CCDC73: variants seen among roughly 807,000 people sequenced by gnomAD.
The protein encoded by CCDC73 is coiled-coil domain-containing protein 73.
A neutral mutation model predicts 116.5 loss-of-function variants in CCDC73; 95 were observed. That is an observed-to-expected ratio of 0.82 (90% CI 0.69 to 0.97). The LOEUF (loss-of-function observed/expected upper bound fraction) is 0.97, where lower values mean the gene tolerates loss of function less well. CCDC73 is among the 50% of genes least tolerant of loss of function. CCDC73 has a pLI of 0.00. For synonymous variants in CCDC73, 398 were observed against 401.3 expected, an observed-to-expected ratio of 0.99 and a Z score of 0.10; for missense variants, 1,066 against 1,206.8, an observed-to-expected ratio of 0.88 and a Z score of 1.73.
intron 17 of CCDC73, chr11:32,606,180 C>T (rs2133211666): frequency 6.6e-6 from 1 of 152,286 alleles, no homozygotes; most frequent in South Asian, 2.1e-4. Flanking sequence ...TGGATTGGTA[C>T]TTAATACCTT....
At chr11:32,813,401 G>A in the CCDC73 span, among the ~76,000 whole-genome samples, 1 of 151,960 alleles carries the variant, frequency 6.6e-6, no homozygotes, top group Non-Finnish European at 1.5e-5. Context: ...GGACAACAGG[G>A]GTGCATCACT....
At chr11:32,694,596 A>T (rs141860578) in intron 6 of CCDC73, among the ~76,000 whole-genome samples, 261 of 151,166 alleles carry the variant, frequency 1.7e-3, no homozygotes, top group Middle Eastern at 0.017. Context: ...AAGTATAATT[A>T]AAAAAACAAT....
Position 32,675,600 on chromosome 11 carries a change from T to A in CCDC73, c.610A>T (p.Lys204Ter). The change falls in exon 9 of 18, where the codon AAA becomes TAA. Residue 204 changes from lysine (K) to a stop codon, truncating the protein, a stop_gained. Coordinates refer to ENST00000335185, the MANE Select transcript of CCDC73 (RefSeq NM_001008391.4). LOFTEE classifies it high-confidence loss of function. ...CTGCATATTTCAGCTTCTTGTTTTTTATTTAAAGCTGAAAGTCTTTTGTTT... is the reference window on the plus strand; with the variant it reads ...CTGCATATTTCAGCTTCTTGTTTTTAATTTAAAGCTGAAAGTCTTTTGTTT... ...QSNKRLSALN[K>*]KQEAEICSLK... 5 of 1,590,612 alleles carry A rather than the reference T, an allele frequency of 3.1e-6. No individual in the cohort carries two copies. Among genetic ancestry groups the A allele is most frequent in the Non-Finnish European group, 4.3e-6 (5 of 1,172,546 alleles).
chr11:32,642,536 T>G (rs1855742635), intron 12 of CCDC73, among the ~76,000 whole-genome samples: 1 of 152,018 alleles, frequency 6.6e-6, no homozygotes. Context: ...TAACACTTTT[T>G]AAGTATAACT....
chr11:32,769,815 T>G (rs1850475757), intron 1 of CCDC73, among the ~76,000 whole-genome samples: 1 of 152,198 alleles, frequency 6.6e-6, no homozygotes, highest in Non-Finnish European at 1.5e-5. Flanking sequence ...GAAGTCATTT[T>G]GATCTCACTA....
intron 3 of CCDC73, among the ~76,000 whole-genome samples, chr11:32,708,778 T>C (rs1849875513): frequency 6.6e-6 from 1 of 152,210 alleles, no homozygotes; most frequent in South Asian, 2.1e-4. Flanking sequence ...TGAAACCTTG[T>C]TGAATTGATT....
At chr11:32,717,116 C>G (rs1849953215) in intron 3 of CCDC73, among the ~76,000 whole-genome samples, 1 of 152,174 alleles carries the variant, frequency 6.6e-6, no homozygotes, top group Non-Finnish European at 1.5e-5. Flanking sequence ...CCTTGAAATT[C>G]CAATTATTTC....
chr11:32,745,089 ACT>A (rs1479730655), intron 2 of CCDC73, among the ~76,000 whole-genome samples: 1 of 151,874 alleles, frequency 6.6e-6, no homozygotes, highest in African/African-American at 2.4e-5. Flanking sequence ...TGTCCAAAAG[ACT>A]CTGGTACATT....
chr11:32,622,673 GAAAA>G (rs35050125), intron 14 of CCDC73, among the ~76,000 whole-genome samples: 1 of 116,260 alleles, frequency 8.6e-6, no homozygotes, highest in East Asian at 4.6e-4. Context: ...AAATAAAATT[GAAAA>G]AAAAAAAAAA....
chr11:32,698,881 G>A (rs978703755), intron 6 of CCDC73, among the ~76,000 whole-genome samples: 8 of 152,194 alleles, frequency 5.3e-5, no homozygotes, highest in Middle Eastern at 3.4e-3. Context: ...TGTATTTGCA[G>A]AAAATAAGCA....
At chr11:32,711,997 A>G (rs1849904404) in intron 3 of CCDC73, among the ~76,000 whole-genome samples, 1 of 152,114 alleles carries the variant, frequency 6.6e-6, no homozygotes, top group African/African-American at 2.4e-5. Context: ...GGCTTCTACT[A>G]ATGTGGTTTA....
intron 3 of CCDC73, among the ~76,000 whole-genome samples, chr11:32,712,408 AG>A (rs1427106099): frequency 6.6e-6 from 1 of 152,150 alleles, no homozygotes; most frequent in Non-Finnish European, 1.5e-5. Context: ...TGGTAAAAGT[AG>A]ATTTTAAATA....
chr11:32,718,036 A>C, intron 3 of CCDC73, 40 bp downstream of exon 3: 7 of 1,370,714 alleles, frequency 5.1e-6, no homozygotes, highest in Non-Finnish European at 7.1e-6. Context: ...ATTCAAGATG[A>C]GATTTGGCTG....
chr11:32,798,178 T>C (rs1850739150), upstream of CCDC73, among the ~76,000 whole-genome samples: 1 of 152,182 alleles, frequency 6.6e-6, no homozygotes, highest in Non-Finnish European at 1.5e-5. Flanking sequence ...ACCAAAGCAT[T>C]TTGGAGAAAG....
chr11:32,635,685 T>G lies in CCDC73; in HGVS notation c.1185+11A>C. 7.7e-7 allele frequency: 1 copy of G among 1,292,762 alleles called. No individual in the cohort carries two copies. Among genetic ancestry groups the G allele is most frequent in the Non-Finnish European group, 1.0e-6 (1 of 1,003,334 alleles). 80.1% of individuals were successfully genotyped at this position (1,292,762 alleles called of 1,614,324 possible). On this transcript the variant is annotated intron_variant, in intron 14 of 17. Coordinates refer to ENST00000335185, the MANE Select transcript of CCDC73 (RefSeq NM_001008391.4). ...TGATAGTTTGTACCCCACAACATAC[T>G]TAAATTTTACCTGAAACTTTTTGTC...
intron 2 of CCDC73, 142 bp downstream of exon 2, chr11:32,759,967 T>C (rs1255430791): frequency 1.5e-6 from 1 of 682,044 alleles, no homozygotes; most frequent in Non-Finnish European, 2.5e-6. Context: ...ATCTGTCCTA[T>C]TCTCTTTTAC....
intron 2 of CCDC73, among the ~76,000 whole-genome samples, chr11:32,755,298 G>T (rs1850322718): frequency 6.9e-6 from 1 of 144,558 alleles, no homozygotes; most frequent in Admixed American, 7.1e-5. Flanking sequence ...CACTTTGGGA[G>T]GCTGAGGTGG....
intron 1 of CCDC73, among the ~76,000 whole-genome samples, chr11:32,784,406 A>G (rs1399716419): frequency 3.9e-5 from 6 of 152,190 alleles, no homozygotes; most frequent in African/African-American, 1.4e-4. Context: ...GAATATTACA[A>G]TAGTTCAGCT....
At chr11:32,801,704 G>T in the CCDC73 span, among the ~76,000 whole-genome samples, 1 of 149,938 alleles carries the variant, frequency 6.7e-6, no homozygotes, top group African/African-American at 2.4e-5. Context: ...GGAGAAAATG[G>T]AGTTAAGTAG....
Sources: allele counts gnomAD v4.1 joint callset (sites outside exome capture counted in the v4.1 genomes callset), GRCh38; gene constraint gnomAD v4.1.1; transcripts MANE v1.5; gene names NCBI Gene and HGNC (gene_info 2026-07-23, HGNC 2026-07-21).